The following SLCO1B1 variants were observed in gnomAD, a reference collection of about 807,000 sequenced individuals.
SLCO1B1 encodes the protein solute carrier organic anion transporter family member 1B1, also known as OATP-2.
Under a neutral mutation model 70.1 loss-of-function variants are expected in SLCO1B1, and 81 were observed. The ratio of observed to expected loss-of-function variants is 1.16; its 90% confidence interval spans 0.97 to 1.39. The LOEUF (loss-of-function observed/expected upper bound fraction) is 1.39. Ranked by LOEUF, SLCO1B1 falls within the 40% of genes most tolerant of loss-of-function variation. The pLI is 0.00. For missense variants in SLCO1B1, 895 were observed against 799.6 expected (o/e 1.12, Z -1.44); for synonymous variants, 283 against 271.5 (o/e 1.04, Z -0.42).
intron 1 of SLCO1B1, among the ~76,000 whole-genome samples, chr12:21,137,886 T>C (rs776182189): frequency 1.3e-5 from 2 of 152,178 alleles, no homozygotes; most frequent in African/African-American, 2.4e-5. Context: ...ATGAACCCGG[T>C]ACCTCAGTTG....
At chr12:21,164,829 C>T (rs369563684) in intron 2 of SLCO1B1, 1 of 492,310 alleles carries the variant, frequency 2.0e-6, no homozygotes, top group Admixed American at 2.1e-5. Flanking sequence ...TCAGAATAGT[C>T]CCTTTTTCCT....
chr12:21,237,737 T>G (rs1479580542), intron 14 of SLCO1B1, among the ~76,000 whole-genome samples: 5 of 149,674 alleles, frequency 3.3e-5, no homozygotes, highest in Non-Finnish European at 5.9e-5. Flanking sequence ...TTTTTTGAGA[T>G]GGAGTCTCAC....
chr12:21,141,122 A>G (rs1940301709), intron 1 of SLCO1B1, among the ~76,000 whole-genome samples: 1 of 151,966 alleles, frequency 6.6e-6, no homozygotes, highest in South Asian at 2.1e-4. Context: ...CAAGGGGCTA[A>G]TAGGCACATT....
intron 7 of SLCO1B1, among the ~76,000 whole-genome samples, chr12:21,187,322 AT>A (rs1243087785): frequency 6.6e-6 from 1 of 152,156 alleles, no homozygotes; most frequent in Non-Finnish European, 1.5e-5. Flanking sequence ...GGTCTGAACA[AT>A]TAGTACTCTT....
At chr12:21,224,324 T>A (rs1172664778) in intron 13 of SLCO1B1, among the ~76,000 whole-genome samples, 1 of 152,096 alleles carries the variant, frequency 6.6e-6, no homozygotes, top group Non-Finnish European at 1.5e-5. Flanking sequence ...GCCAAGATCT[T>A]TTTCCTTTCC....
At chr12:21,207,137 A>G (rs1313840351) in intron 11 of SLCO1B1, among the ~76,000 whole-genome samples, 1 of 151,976 alleles carries the variant, frequency 6.6e-6, no homozygotes, top group Non-Finnish European at 1.5e-5. Flanking sequence ...TTTTAAAAAA[A>G]TAATTTAACT....
chr12:21,218,583 C>T (rs1024602435), intron 12 of SLCO1B1, among the ~76,000 whole-genome samples: 12 of 151,474 alleles, frequency 7.9e-5, no homozygotes, highest in African/African-American at 2.9e-4. Flanking sequence ...AAATATGCCA[C>T]AGATATAGCT....
intron 2 of SLCO1B1, among the ~76,000 whole-genome samples, chr12:21,166,053 G>C (rs1274525841): frequency 6.6e-6 from 1 of 151,850 alleles, no homozygotes; most frequent in African/African-American, 2.4e-5. Flanking sequence ...GGAACTGTGG[G>C]ACACTATCAG....
At chr12:21,140,211 C>A (rs947191030) in intron 1 of SLCO1B1, among the ~76,000 whole-genome samples, 9 of 151,946 alleles carry the variant, frequency 5.9e-5, no homozygotes, top group African/African-American at 2.2e-4. Context: ...ACTACTGCAA[C>A]AAGTATCAAC....
chr12:21,201,020 T>C (rs1941151774), intron 9 of SLCO1B1, among the ~76,000 whole-genome samples: 1 of 152,102 alleles, frequency 6.6e-6, no homozygotes, highest in Non-Finnish European at 1.5e-5. Flanking sequence ...TTTATGGACT[T>C]TGAAATCAAG....
At chr12:21,162,043 A>T (rs926890681) in intron 2 of SLCO1B1, among the ~76,000 whole-genome samples, 1 of 151,588 alleles carries the variant, frequency 6.6e-6, no homozygotes, top group East Asian at 1.9e-4. Context: ...ATTTTAAATA[A>T]TATTATAAAT....
chr12:21,189,199 T>C (rs1490886135), intron 7 of SLCO1B1, among the ~76,000 whole-genome samples: 1 of 152,206 alleles, frequency 6.6e-6, no homozygotes, highest in Non-Finnish European at 1.5e-5. Flanking sequence ...ATACCTTTTA[T>C]ACTGGCTGTA....
chr12:21,131,588 A>G (rs909780850), intron 1 of SLCO1B1, among the ~76,000 whole-genome samples: 1 of 152,068 alleles, frequency 6.6e-6, no homozygotes, highest in Non-Finnish European at 1.5e-5. Flanking sequence ...TGTCAACTAC[A>G]TTGACTGATC....
intron 2 of SLCO1B1, among the ~76,000 whole-genome samples, chr12:21,155,815 G>C (rs1009631813): frequency 3.3e-5 from 5 of 152,130 alleles, no homozygotes; most frequent in African/African-American, 1.2e-4. Context: ...TTGTTAACTA[G>C]TACTGCAGAA....
Position 21,217,191 on chromosome 12 carries a change from T to A in SLCO1B1, c.1570T>A (p.Cys524Ser). Residue 524 changes from cysteine (C) to serine (S), a missense_variant, in exon 12 of 15, where the codon TGC (cysteine) becomes AGC (serine). Physicochemically the swap from Cys to Ser is moderately radical, Grantham distance 112. Coordinates refer to ENST00000256958, the MANE Select transcript of SLCO1B1 (RefSeq NM_006446.5). ...AAATTACTCAGCCCATTTGGGTGAA[T>A]GCCCAAGAGATGATGCTTGTACAAG... ...NRNYSAHLGE[C>S]PRDDACTRKF... The A allele has an allele frequency of 2.5e-6, 4 of 1,613,782 alleles. No homozygotes were observed. The highest frequency in any genetic ancestry group is 3.4e-6 in the Non-Finnish European group (4 of 1,179,712).
At chr12:21,191,123 CCTT>C (rs1299576482) in intron 7 of SLCO1B1, among the ~76,000 whole-genome samples, 1 of 151,772 alleles carries the variant, frequency 6.6e-6, no homozygotes, top group Non-Finnish European at 1.5e-5. Flanking sequence ...TATTTGATGT[CCTT>C]CTTGGTTCCA....
chr12:21,131,294 GGAA>G (rs147409580), intron 1 of SLCO1B1, 58 bp downstream of exon 1: 28 of 152,078 alleles, frequency 1.8e-4, no homozygotes, highest in African/African-American at 6.3e-4. Context: ...AAATTTTCAC[GGAA>G]GAAGATTTTG....
At chr12:21,143,518 C>T (rs187770312) in intron 2 of SLCO1B1, among the ~76,000 whole-genome samples, 2 of 151,974 alleles carry the variant, frequency 1.3e-5, no homozygotes, top group South Asian at 4.1e-4. Context: ...TAGTGTTTTA[C>T]TTTTGCTAAC....
At position 21,178,693 on chromosome 12, in the gene SLCO1B1, C is replaced by T. The variant is rs150623527; in HGVS notation, c.599C>T (p.Ala200Val). 40 of 1,604,150 alleles carry T rather than the reference C, an allele frequency of 2.5e-5. No homozygotes were observed. The highest frequency in any genetic ancestry group is 3.2e-5 in the Non-Finnish European group (37 of 1,171,114). The stretch of plus-strand genomic sequence containing the variant: ...GGGCTTTCTTACATTGATGATTTCG[C>T]TAAAGAAGGACATTCTTCTTTGTAT... Reference protein sequence around the residue: ...PLGLSYIDDFAKEGHSSLYLG... With the variant: ...PLGLSYIDDFVKEGHSSLYLG... The change falls in exon 6 of 15, where the codon GCT (alanine) becomes GTT (valine). Residue 200 changes from alanine (A) to valine (V), a missense_variant. Ala to Val is a moderately conservative substitution (Grantham distance 64, BLOSUM62 0). Transcript: ENST00000256958.
Sources: gnomAD v4.1 joint callset for allele counts (sites outside exome capture counted in the v4.1 genomes callset) on GRCh38, gnomAD v4.1.1 for gene constraint, MANE v1.5 for transcripts, NCBI Gene and HGNC (gene_info 2026-07-23, HGNC 2026-07-21) for gene names.